Variants in ARHGAP6 observed in about 807,000 individuals in gnomAD.
ARHGAP6 encodes Rho GTPase activating protein 6, also known as rho GTPase-activating protein 6.
Under a neutral mutation model 55.7 loss-of-function variants are expected in ARHGAP6, and 16 were observed. The ratio of observed to expected loss-of-function variants is 0.29; its 90% CI spans 0.19 to 0.44. The LOEUF (loss-of-function observed/expected upper bound fraction) is 0.44. ARHGAP6 is among the 20% of genes least tolerant of loss of function. The probability of loss-of-function intolerance (pLI) is 1.00; values close to 1 mark genes in which losing one functional copy is unlikely to be tolerated. For missense variants in ARHGAP6, 698 were observed against 808.9 expected (o/e 0.86, Z 1.66); for synonymous variants, 382 against 360.9 (o/e 1.06, Z -0.66).
At chrX:11,427,550 C>T (rs1009686548) in intron 1 of ARHGAP6, 4 of 928,223 alleles carry the variant, frequency 4.3e-6, no homozygotes, top group Admixed American at 3.5e-5. Context: ...ACACTCACCG[C>T]GTAGTGCAGC....
chrX:11,273,414 TAAA>T (rs200357210), intron 1 of ARHGAP6, among the ~76,000 whole-genome samples: 1 of 101,442 alleles, frequency 9.9e-6, no homozygotes, highest in East Asian at 3.0e-4. Flanking sequence ...ATTTCATTTG[TAAA>T]AAAAAAAAAC....
In ARHGAP6 at chrX:11,207,047, A is replaced by G. The variant is rs563438658; in HGVS notation, c.749-10051T>C. ...CCCATTTCAGATGATGAAATAATACATTTCCTGCCCCTATTCTGGTTTTCT... is the reference window on the plus strand; with the variant it reads ...CCCATTTCAGATGATGAAATAATACGTTTCCTGCCCCTATTCTGGTTTTCT... On this transcript the variant is annotated intron_variant, in intron 2 of 12. Transcript: ENST00000337414. Among the ~76,000 whole-genome samples the G allele has an allele frequency of 3.7e-4, 41 of 111,236 alleles. No individual in the cohort carries two copies. In the South Asian group the frequency reaches 0.016, roughly 43 times the overall value.
chrX:11,479,602 T>A (rs763278687), intron 1 of ARHGAP6, among the ~76,000 whole-genome samples: 10 of 111,642 alleles, frequency 9.0e-5, no homozygotes, highest in African/African-American at 2.6e-4. Context: ...GGCTCTGCAC[T>A]TGGTTTAAGG....
At chrX:11,358,150 T>G (rs2048956130) in intron 1 of ARHGAP6, among the ~76,000 whole-genome samples, 1 of 112,383 alleles carries the variant, frequency 8.9e-6, no homozygotes. Context: ...TGTAGCCTTT[T>G]GGGTCTGGAT....
chrX:11,427,497 G>A, intron 1 of ARHGAP6: 1 of 932,037 alleles, frequency 1.1e-6, no homozygotes, highest in Admixed American at 3.5e-5. Flanking sequence ...TCCCCACCCG[G>A]AGCGGCCCAG....
chrX:11,374,558 C>T (rs778562427), intron 1 of ARHGAP6, among the ~76,000 whole-genome samples: 1 of 112,183 alleles, frequency 8.9e-6, no homozygotes, highest in African/African-American at 3.2e-5. Flanking sequence ...AGTAGGCAAT[C>T]TAATACCACC....
intron 1 of ARHGAP6, among the ~76,000 whole-genome samples, chrX:11,384,265 T>C (rs1289678562): frequency 8.9e-6 from 1 of 111,897 alleles, no homozygotes; most frequent in African/African-American, 3.2e-5. Flanking sequence ...TGAAAAGTAG[T>C]TGATTCCATG....
At chrX:11,551,540 G>C (rs890151508) in intron 1 of ARHGAP6, among the ~76,000 whole-genome samples, 1 of 111,503 alleles carries the variant, frequency 9.0e-6, no homozygotes, top group African/African-American at 3.3e-5. Context: ...AGTGTTATGG[G>C]ATGAATTGTG....
At chrX:11,383,612 C>A (rs2049288980) in intron 1 of ARHGAP6, among the ~76,000 whole-genome samples, 1 of 111,355 alleles carries the variant, frequency 9.0e-6, no homozygotes, top group South Asian at 3.8e-4. Flanking sequence ...AATCTATAGT[C>A]TCAGGTACAA....
intron 1 of ARHGAP6, among the ~76,000 whole-genome samples, chrX:11,338,588 C>G (rs774944789): frequency 1.8e-5 from 2 of 111,786 alleles, no homozygotes; most frequent in African/African-American, 6.5e-5. Context: ...ATAATGAAGT[C>G]CCGAACTGAA....
intron 1 of ARHGAP6, among the ~76,000 whole-genome samples, chrX:11,556,950 T>C (rs2051325395): frequency 8.9e-6 from 1 of 111,910 alleles, no homozygotes; most frequent in African/African-American, 3.3e-5. Context: ...TGTTGAAATA[T>C]GTAGTTTTTC....
intron 2 of ARHGAP6, chrX:11,223,010 C>T (rs1417521531): frequency 8.7e-6 from 1 of 114,922 alleles, no homozygotes; most frequent in African/African-American, 3.2e-5. Context: ...AGGATTAAAT[C>T]TTACTTTTTT....
chrX:11,420,498 T>C (rs2049808147), intron 1 of ARHGAP6, among the ~76,000 whole-genome samples: 1 of 111,347 alleles, frequency 9.0e-6, no homozygotes. Flanking sequence ...ACCATGCTAA[T>C]GGACATGCAG....
chrX:11,461,627 C>T (rs1177877884), intron 1 of ARHGAP6, among the ~76,000 whole-genome samples: 1 of 112,365 alleles, frequency 8.9e-6, no homozygotes, highest in Non-Finnish European at 1.9e-5. Context: ...CCGGGCCTCT[C>T]TCCAAGGTAC....
At position 11,138,691 on chromosome X, in the gene ARHGAP6, CAA is replaced by C. The variant is rs960489168; in HGVS notation, c.*170_*171del. Reference sequence around the variant, plus strand: ...TGGCTACGCAATGGAACCTTATTCTCAATGGCGGGGGCGTGAGTGCTCTACCT... The same window carrying C: ...TGGCTACGCAATGGAACCTTATTCTCTGGCGGGGGCGTGAGTGCTCTACCT... On this transcript the variant is annotated 3_prime_UTR_variant, in exon 13 of 13. Coordinates refer to ENST00000337414, the MANE Select transcript of ARHGAP6 (RefSeq NM_013427.3). The C allele has an allele frequency of 1.9e-6, 1 of 521,918 alleles. No individual in the cohort carries two copies. The highest frequency in any genetic ancestry group is 3.0e-6 in the Non-Finnish European group (1 of 328,061). The allele number at this position is 521,918 out of a possible 1,213,427, so 43.0% of individuals were successfully genotyped here.
chrX:11,583,730 A>C (rs749439191), intron 1 of ARHGAP6, among the ~76,000 whole-genome samples: 11 of 111,624 alleles, frequency 9.9e-5, no homozygotes, highest in Non-Finnish European at 2.1e-4. Context: ...CTTTAGGAAA[A>C]CTATTAACAG....
At chrX:11,556,084 G>A (rs754191738) in intron 1 of ARHGAP6, among the ~76,000 whole-genome samples, 17 of 111,119 alleles carry the variant, frequency 1.5e-4, no homozygotes, top group African/African-American at 3.9e-4. Flanking sequence ...CCTACTCTGC[G>A]CCAAATACTA....
intron 1 of ARHGAP6, among the ~76,000 whole-genome samples, chrX:11,487,559 T>C (rs1443499852): frequency 8.9e-6 from 1 of 112,460 alleles, no homozygotes; most frequent in East Asian, 2.8e-4. Flanking sequence ...AATTTAAGTA[T>C]GTCCATGCAA....
At chrX:11,472,862 T>A (rs2050361748) in intron 1 of ARHGAP6, among the ~76,000 whole-genome samples, 1 of 110,342 alleles carries the variant, frequency 9.1e-6, no homozygotes, top group Admixed American at 9.6e-5. Context: ...CCAAGATGGG[T>A]CCCATTGTCT....
Sources: allele counts gnomAD v4.1 joint callset (sites outside exome capture counted in the v4.1 genomes callset), GRCh38; gene constraint gnomAD v4.1.1; transcripts MANE v1.5; gene names NCBI Gene and HGNC (gene_info 2026-07-23, HGNC 2026-07-21).